The following SMARCA1 variants were observed in gnomAD, a reference collection of about 807,000 sequenced individuals.
The protein encoded by SMARCA1 is SNF2 related chromatin remodeling ATPase 1.
SMARCA1 carries 17 observed loss-of-function variants against 93.6 expected under a neutral mutation model. The ratio of observed to expected loss-of-function variants is 0.18; its 90% CI spans 0.12 to 0.27. The LOEUF (loss-of-function observed/expected upper bound fraction) is 0.27, where lower values mean the gene tolerates loss of function less well. Ranked by LOEUF, SMARCA1 falls within the 10% of genes least tolerant of loss-of-function variation. The probability of loss-of-function intolerance (pLI) is 1.00; values close to 1 mark genes in which losing one functional copy is unlikely to be tolerated. For missense variants in SMARCA1, 630 were observed against 819.0 expected, an observed-to-expected ratio of 0.77 and a Z score of 2.82; for synonymous variants, 271 against 271.4, an observed-to-expected ratio of 1.00 and a Z score of 0.01.
At chrX:129,455,889 G>GC (rs994146965) in intron 23 of SMARCA1, among the ~76,000 whole-genome samples, 1 of 112,562 alleles carries the variant, frequency 8.9e-6, no homozygotes, top group Non-Finnish European at 1.9e-5. Context: ...AGGTGAAACA[G>GC]CAAGTGCTGA....
chrX:129,456,587 T>C (rs944466453), intron 23 of SMARCA1, among the ~76,000 whole-genome samples: 35 of 112,377 alleles, frequency 3.1e-4, no homozygotes, highest in South Asian at 3.7e-4. Context: ...ATTCGTGATT[T>C]ATGGAAGGAA....
intron 12 of SMARCA1, among the ~76,000 whole-genome samples, chrX:129,493,586 T>C (rs1360212706): frequency 9.0e-6 from 1 of 111,414 alleles, no homozygotes; most frequent in Non-Finnish European, 1.9e-5. Flanking sequence ...CACCTTGGCG[T>C]AGAGGAAATA....
At chrX:129,495,240 T>C (rs916955031) in intron 12 of SMARCA1, among the ~76,000 whole-genome samples, 1 of 112,883 alleles carries the variant, frequency 8.9e-6, no homozygotes, top group Admixed American at 9.3e-5. Context: ...AGGTAAATAA[T>C]TATCTTACTT....
intron 23 of SMARCA1, among the ~76,000 whole-genome samples, chrX:129,462,440 T>G (rs1569426084): frequency 8.9e-6 from 1 of 111,858 alleles, no homozygotes; most frequent in African/African-American, 3.2e-5. Context: ...GAACCATCAA[T>G]CCATTTCTAT....
chrX:129,476,770 A>G (rs1716907084), intron 19 of SMARCA1, among the ~76,000 whole-genome samples: 1 of 112,086 alleles, frequency 8.9e-6, no homozygotes, highest in Non-Finnish European at 1.9e-5. Flanking sequence ...AGGGGGAAAT[A>G]AAGCAATGCT....
At chrX:129,488,900 C>T (rs1934012780) in intron 16 of SMARCA1, 37 bp downstream of exon 16, 2 of 969,077 alleles carry the variant, frequency 2.1e-6, no homozygotes, top group Admixed American at 4.8e-5. Context: ...GATATTAAAA[C>T]AATCCAGCAT....
intron 9 of SMARCA1, 148 bp downstream of exon 9, chrX:129,504,586 G>C (rs767222340): frequency 1.7e-5 from 2 of 115,196 alleles, no homozygotes; most frequent in East Asian, 1.7e-4. Flanking sequence ...AAAAAACAAA[G>C]AGGCTGTCAG....
intron 9 of SMARCA1, among the ~76,000 whole-genome samples, 185 bp downstream of exon 9, chrX:129,504,549 T>TAA (rs780225300): frequency 0.15 from 3,612 of 24,161 alleles, 873 homozygotes; most frequent in Middle Eastern, 0.38. Flanking sequence ...CATAGAGGAA[T>TAA]AAAAAAAAAA....
intron 23 of SMARCA1, among the ~76,000 whole-genome samples, chrX:129,453,161 A>T (rs1932394564): frequency 9.0e-6 from 1 of 111,692 alleles, no homozygotes; most frequent in Non-Finnish European, 1.9e-5. Context: ...AATTGGGCTA[A>T]TTATAACTCT....
chrX:129,496,568 G>T (rs1319026983), intron 12 of SMARCA1, among the ~76,000 whole-genome samples, 182 bp downstream of exon 12: 7 of 111,052 alleles, frequency 6.3e-5, no homozygotes, highest in Admixed American at 9.6e-5. Flanking sequence ...TGAAAAAGAT[G>T]ATTTGTAAAG....
At chrX:129,509,710 T>G (rs1023312509) in intron 6 of SMARCA1, among the ~76,000 whole-genome samples, 1 of 111,362 alleles carries the variant, frequency 9.0e-6, no homozygotes, top group Non-Finnish European at 1.9e-5. Flanking sequence ...GGTGAAAAAA[T>G]TAAGGCCCTT....
intron 14 of SMARCA1, among the ~76,000 whole-genome samples, chrX:129,490,911 A>G (rs776347562): frequency 1.8e-5 from 2 of 112,071 alleles, no homozygotes; most frequent in African/African-American, 6.5e-5. Context: ...TCCCCTGCAC[A>G]TATTTACATT....
At chrX:129,453,551 G>T (rs964266369) in intron 23 of SMARCA1, among the ~76,000 whole-genome samples, 1 of 112,036 alleles carries the variant, frequency 8.9e-6, no homozygotes, top group Non-Finnish European at 1.9e-5. Context: ...AAACTCCATC[G>T]TCTCAGCCCA....
intron 6 of SMARCA1, among the ~76,000 whole-genome samples, chrX:129,509,180 G>A (rs1602726576): frequency 1.1e-5 from 1 of 94,250 alleles, no homozygotes; most frequent in Non-Finnish European, 2.0e-5. Context: ...CAGAGTGAGA[G>A]TCCGTCTCAA....
Position 129,499,812 on chromosome X carries a change from T to C in SMARCA1, c.1197A>G (p.Ile399Met). The change falls in exon 10 of 25, where the codon ATA becomes ATG. Residue 399 changes from isoleucine to methionine, a missense_variant. Around this residue, in one of 4 missense-constraint regions of SMARCA1, gnomAD observed 382 missense variants for 537.9 expected, o/e 0.71. Coordinates refer to ENST00000371121, the MANE Select transcript of SMARCA1 (RefSeq NM_001282874.2). Reference sequence around the variant, plus strand: ...GCAGACTCTTCTCTACATCAGTTTTTATACGGCGTAACAAAAATGGTTTTA... The same window carrying C: ...GCAGACTCTTCTCTACATCAGTTTTCATACGGCGTAACAAAAATGGTTTTA... ...AVLKPFLLRR[I>M]KTDVEKSLPP... The C allele has an allele frequency of 1.7e-6, 2 of 1,165,581 alleles. No homozygotes were observed. The highest frequency in any genetic ancestry group is 1.8e-5 in the South Asian group (1 of 54,732).
Position 129,468,834 on chromosome X carries a change from G to C in SMARCA1, c.2637C>G (p.Asp879Glu), listed in dbSNP as rs1385508340. 1.3e-5 allele frequency: 15 copies of C among 1,177,401 alleles called. No individual in the cohort carries two copies. The highest frequency in any genetic ancestry group is 1.7e-5 in the Non-Finnish European group (15 of 866,572). Residue 879 changes from aspartate (D) to glutamate (E), a missense_variant, in exon 21 of 25, where the codon GAC becomes GAG. By Grantham distance (45) the Asp-to-Glu change is conservative (BLOSUM62 2). Transcript: ENST00000371121. ...IKANEKYGRD[D>E]IDNIAREVEG... ...CTACCTCTCGAGCTATGTTATCAAT[G>C]TCATCTCTTCCATATTTCTCATTAG... is the stretch of plus-strand genomic sequence containing the variant.
At chrX:129,448,185 ATTC>A (rs771739739) in intron 24 of SMARCA1, 145 bp downstream of exon 24, 395 of 544,794 alleles carry the variant, frequency 7.3e-4, no homozygotes, top group Non-Finnish European at 1.0e-3. Context: ...TTGTGAAGCA[ATTC>A]TTCTTCTGTC....
chrX:129,502,903 T>C (rs1484130122), intron 9 of SMARCA1, among the ~76,000 whole-genome samples: 1 of 111,198 alleles, frequency 9.0e-6, no homozygotes, highest in African/African-American at 3.3e-5. Context: ...AGATAAATCA[T>C]GGGGGAAAGT....
intron 23 of SMARCA1, 127 bp downstream of exon 23, chrX:129,465,393 G>C (rs932871993): frequency 1.8e-5 from 8 of 453,816 alleles, no homozygotes; most frequent in Admixed American, 3.7e-5. Flanking sequence ...CATACACACA[G>C]AGAGAGAGAA....
Sources: allele counts gnomAD v4.1 joint callset (sites outside exome capture counted in the v4.1 genomes callset), GRCh38; gene constraint gnomAD v4.1.1; regional missense constraint gnomAD v4.1.1; transcripts MANE v1.5; gene names NCBI Gene and HGNC (gene_info 2026-07-23, HGNC 2026-07-21).